Variants in ARHGEF10L observed in about 807,000 individuals in gnomAD.
ARHGEF10L encodes the protein Rho guanine nucleotide exchange factor 10 like, also known as rho guanine nucleotide exchange factor 10-like protein.
Under a neutral mutation model 141.2 loss-of-function variants are expected in ARHGEF10L, and 69 were observed. The ratio of observed to expected loss-of-function variants is 0.49; its 90% CI spans 0.40 to 0.60. The LOEUF (loss-of-function observed/expected upper bound fraction) is 0.60. Ranked by LOEUF, ARHGEF10L falls within the 20% of genes least tolerant of loss-of-function variation. The probability of loss-of-function intolerance (pLI) is 0.00; values close to 1 mark genes in which losing one functional copy is unlikely to be tolerated. For synonymous variants in ARHGEF10L, 711 were observed against 718.5 expected, an observed-to-expected ratio of 0.99 and a Z score of 0.17; for missense variants, 1,482 against 1,734.3, an observed-to-expected ratio of 0.85 and a Z score of 2.58.
At position 17,587,607 on chromosome 1, in the gene ARHGEF10L, A is replaced by AC. The variant is rs943131944; in HGVS notation, c.191dup (p.Leu65ThrfsTer11). 4.3e-6 allele frequency: 7 copies of AC among 1,613,578 alleles called. No individual in the cohort carries two copies. The highest frequency in any genetic ancestry group is 5.1e-6 in the Non-Finnish European group (6 of 1,179,886). ...AGCCTTGCTCCTGAGAGGGACACAG[A>AC]CCCCCCACTGATCCACTTGGACTCC... On this transcript the variant is annotated frameshift_variant, in exon 3 of 29. Coordinates refer to ENST00000361221, the MANE Select transcript of ARHGEF10L (RefSeq NM_018125.4). LOFTEE classifies it high-confidence loss of function.
At chr1:17,676,008 G>A (rs560042641) in intron 26 of ARHGEF10L, among the ~76,000 whole-genome samples, 32 of 149,654 alleles carry the variant, frequency 2.1e-4, no homozygotes, top group South Asian at 1.1e-3. Flanking sequence ...GTGGGTGCAG[G>A]TGTGGATGCA....
intron 22 of ARHGEF10L, among the ~76,000 whole-genome samples, chr1:17,651,428 C>T (rs1300164481): frequency 4.6e-5 from 7 of 152,090 alleles, no homozygotes; most frequent in South Asian, 2.1e-4. Flanking sequence ...TTGGCCTTAG[C>T]GCATCCCTGC....
At chr1:17,650,333 G>A (rs1277914792) in intron 22 of ARHGEF10L, among the ~76,000 whole-genome samples, 2 of 152,196 alleles carry the variant, frequency 1.3e-5, no homozygotes, top group African/African-American at 2.4e-5. Flanking sequence ...AGGATCGCTT[G>A]AGCCCAGGAG....
chr1:17,667,246 G>A (rs547011508), intron 26 of ARHGEF10L, among the ~76,000 whole-genome samples: 4 of 152,350 alleles, frequency 2.6e-5, no homozygotes, highest in East Asian at 3.9e-4. Flanking sequence ...TCTGCTGGGG[G>A]AGACCCAGCC....
intron 1 of ARHGEF10L, among the ~76,000 whole-genome samples, chr1:17,542,144 A>G (rs918014155): frequency 1.5e-4 from 22 of 150,170 alleles, no homozygotes; most frequent in Non-Finnish European, 2.8e-4. Context: ...ATCTCAAAAG[A>G]AAAAAAGAAA....
At chr1:17,594,443 G>A (rs1290671746) in intron 4 of ARHGEF10L, among the ~76,000 whole-genome samples, 1 of 152,104 alleles carries the variant, frequency 6.6e-6, no homozygotes, top group Non-Finnish European at 1.5e-5. Flanking sequence ...GCATGACCCA[G>A]GACATGCTCT....
At chr1:17,646,950 A>G (rs922606737) in intron 21 of ARHGEF10L, among the ~76,000 whole-genome samples, 2 of 151,754 alleles carry the variant, frequency 1.3e-5, no homozygotes, top group Non-Finnish European at 2.9e-5. Flanking sequence ...CAAGCAGGGG[A>G]ACGGCGAGGC....
At chr1:17,546,045 C>A (rs79465608) in intron 1 of ARHGEF10L, among the ~76,000 whole-genome samples, 3,362 of 152,270 alleles carry the variant, frequency 0.022, 62 homozygotes, top group Middle Eastern at 0.037. Context: ...AAGCATTGAA[C>A]CTTCCTCAAG....
At chr1:17,670,017 G>A (rs980178050) in intron 26 of ARHGEF10L, among the ~76,000 whole-genome samples, 1 of 152,264 alleles carries the variant, frequency 6.6e-6, no homozygotes, top group Non-Finnish European at 1.5e-5. Context: ...GGATCCCCGA[G>A]CTCGGCTATG....
At chr1:17,593,038 C>G (rs1326608035) in intron 4 of ARHGEF10L, among the ~76,000 whole-genome samples, 2 of 152,314 alleles carry the variant, frequency 1.3e-5, no homozygotes, top group South Asian at 2.1e-4. Context: ...CCAATCAGAG[C>G]CAGGACCTTT....
chr1:17,670,581 T>A (rs2063262010), intron 26 of ARHGEF10L, among the ~76,000 whole-genome samples: 1 of 152,246 alleles, frequency 6.6e-6, no homozygotes, highest in Non-Finnish European at 1.5e-5. Context: ...TGTGCTCGGC[T>A]GCATGGAGGG....
chr1:17,525,220 C>T, the ARHGEF10L span, among the ~76,000 whole-genome samples: 1 of 152,294 alleles, frequency 6.6e-6, no homozygotes, highest in South Asian at 2.1e-4. Flanking sequence ...TTAAGTAGTG[C>T]CCCTGCCCAC....
At chr1:17,610,727 G>A (rs2059505662) in intron 7 of ARHGEF10L, among the ~76,000 whole-genome samples, 1 of 152,208 alleles carries the variant, frequency 6.6e-6, no homozygotes, top group Non-Finnish European at 1.5e-5. Context: ...GATGTGTTTT[G>A]TCCTGTTCTT....
At chr1:17,567,568 A>G (rs2077812894) in intron 1 of ARHGEF10L, among the ~76,000 whole-genome samples, 1 of 152,096 alleles carries the variant, frequency 6.6e-6, no homozygotes, top group South Asian at 2.1e-4. Flanking sequence ...GGGTTTTACC[A>G]TGTTGGTCAG....
chr1:17,548,923 A>G (rs1173416009), intron 1 of ARHGEF10L, among the ~76,000 whole-genome samples: 1 of 151,492 alleles, frequency 6.6e-6, no homozygotes, highest in Non-Finnish European at 1.5e-5. Context: ...TGCTGGGACT[A>G]TAGGTGTGAA....
At chr1:17,641,892 A>C (rs1220964734) in intron 21 of ARHGEF10L, among the ~76,000 whole-genome samples, 1 of 151,896 alleles carries the variant, frequency 6.6e-6, no homozygotes, top group Non-Finnish European at 1.5e-5. Context: ...GAGGCAGGAG[A>C]ATCACTTGAA....
At chr1:17,587,429 T>G (rs763279928) in intron 2 of ARHGEF10L, 31 bp from the exon 3 acceptor site, 3 of 1,599,508 alleles carry the variant, frequency 1.9e-6, no homozygotes, top group Middle Eastern at 1.7e-4. Context: ...TCGGAGATCC[T>G]GCAGCCTGGC....
At chr1:17,535,065 T>G (rs1418997794), upstream of ARHGEF10L, among the ~76,000 whole-genome samples, 1 of 152,152 alleles carries the variant, frequency 6.6e-6, no homozygotes, top group Non-Finnish European at 1.5e-5. Context: ...TAATATATAA[T>G]GAAATAATTA....
rs140257059 is a variant in ARHGEF10L, at chr1:17,677,303, C to T, written c.3010-10270C>T. The stretch of plus-strand genomic sequence containing the variant: ...GACTGCACCTGCTCACCTGCACCCT[C>T]GTGCACGCACAGGCGTTCTTTCTTC... On this transcript the variant is annotated intron_variant, in intron 26 of 28. Transcript: ENST00000361221. Among the ~76,000 whole-genome samples the T allele has an allele frequency of 8.4e-3, 1,285 of 152,376 alleles. 61 individuals carry two copies. The highest frequency in any genetic ancestry group is 0.075 in the Admixed American group (1,151 of 15,310).
Sources: allele counts gnomAD v4.1 joint callset (sites outside exome capture counted in the v4.1 genomes callset), GRCh38; gene constraint gnomAD v4.1.1; transcripts MANE v1.5; gene names NCBI Gene and HGNC (gene_info 2026-07-23, HGNC 2026-07-21).